The following DSP variants were observed in gnomAD, a reference collection of about 807,000 sequenced individuals.
DSP encodes desmoplakin, also known as 250/210 kDa paraneoplastic pemphigus antigen.
In DSP, 114 loss-of-function variants were observed where a neutral mutation model predicts 290.6. That is an observed-to-expected ratio of 0.39 (90% CI 0.34 to 0.46). DSP has a LOEUF of 0.46. Among genes scored for constraint, DSP ranks in the 20% least tolerant of loss-of-function variants. The pLI, the probability that DSP is intolerant of heterozygous loss-of-function variation, is 0.99. For missense variants in DSP, 3,230 were observed against 3,495.8 expected (o/e 0.92, Z 1.92); for synonymous variants, 1,311 against 1,316.4 (o/e 1.00, Z 0.09).
intron 1 of DSP, among the ~76,000 whole-genome samples, chr6:7,552,396 A>C (rs1581787992): frequency 8.5e-6 from 1 of 118,088 alleles, no homozygotes; most frequent in East Asian, 2.3e-4. Flanking sequence ...TCTCTATTAA[A>C]AATACAAAAA....
At chr6:7,573,468 C>T (rs559564613) in intron 15 of DSP, among the ~76,000 whole-genome samples, 4 of 152,064 alleles carry the variant, frequency 2.6e-5, no homozygotes, top group Non-Finnish European at 5.9e-5. Context: ...ATCTCAGCTA[C>T]TCAGGAGGCT....
At chr6:7,549,308 C>T (rs1187181624) in intron 1 of DSP, among the ~76,000 whole-genome samples, 1 of 152,136 alleles carries the variant, frequency 6.6e-6, no homozygotes, top group Non-Finnish European at 1.5e-5. Context: ...CGCCACCACG[C>T]CAGGCTAATT....
intron 15 of DSP, among the ~76,000 whole-genome samples, chr6:7,573,118 A>ATGTGTGTG (rs56891607): frequency 8.0e-5 from 12 of 149,922 alleles, no homozygotes; most frequent in Admixed American, 3.3e-4. Flanking sequence ...TTAAAAAAAA[A>ATGTGTGTG]TGTGTGTGTG....
At chr6:7,570,649 G>A in intron 13 of DSP, 86 bp downstream of exon 13, 4 of 1,589,044 alleles carry the variant, frequency 2.5e-6, no homozygotes, top group Non-Finnish European at 3.4e-6. Context: ...CAACCTTCTT[G>A]CTGTGTAGCA....
rs1180115983 is a variant in DSP at position 7,585,878 on chromosome 6, G to A, written c.8616G>A (p.Ter2872=). 1 of 1,613,680 alleles carries A rather than the reference G, an allele frequency of 6.2e-7. No homozygotes were observed. The highest frequency in any genetic ancestry group is 8.5e-7 in the Non-Finnish European group (1 of 1,179,898). The change falls in exon 24 of 24, where the codon TAG becomes TAA. Residue 2872 remains the stop codon, a stop_retained_variant. Coordinates refer to ENST00000379802, the MANE Select transcript of DSP (RefSeq NM_004415.4). ...TTAGCAGTAGTTCTATTGGGCACTA[G>A]TAGTCAGTTGGGAGTGGTTGCTATA... ...YSFSSSSIGH[*]
At chr6:7,554,643 A>AAT (rs1025399554) in intron 1 of DSP, among the ~76,000 whole-genome samples, 77 of 151,856 alleles carry the variant, frequency 5.1e-4, no homozygotes, top group African/African-American at 1.7e-3. Context: ...AATTACAGAA[A>AAT]ATATATATAT....
chr6:7,542,369 C>G (rs961909422), intron 1 of DSP, among the ~76,000 whole-genome samples: 5 of 152,160 alleles, frequency 3.3e-5, no homozygotes, highest in Admixed American at 2.6e-4. Context: ...CGGGGCTGTC[C>G]CCTGCCTGCT....
chr6:7,567,935 G>A, intron 10 of DSP, 29 bp downstream of exon 10: 1 of 1,611,634 alleles, frequency 6.2e-7, no homozygotes, highest in East Asian at 2.2e-5. Context: ...AACCTCAGCA[G>A]CTGTGCCTGA....
Position 7,550,462 on chromosome 6 carries a change from G to A in DSP, c.171-5256G>A, listed in dbSNP as rs981690708. On this transcript the variant is annotated intron_variant, in intron 1 of 23. Coordinates refer to ENST00000379802, the MANE Select transcript of DSP (RefSeq NM_004415.4). ...TTTAAAGAAAAATGTTTTTTTAAAG[G>A]TAGTAAAATAAAACCTTGAAATCTT... Among the ~76,000 whole-genome samples, 11 of 152,184 alleles carry A rather than the reference G, an allele frequency of 7.2e-5. No individual in the cohort carries two copies. In the South Asian group the frequency reaches 2.1e-3, roughly 29 times the overall value.
chr6:7,577,674 CA>C (rs1247413555), intron 20 of DSP, 104 bp from the exon 21 acceptor site: 7 of 934,386 alleles, frequency 7.5e-6, no homozygotes, highest in Non-Finnish European at 1.2e-5. Context: ...TTGGAGTGGG[CA>C]ATTAGACGTG....
Position 7,583,231 on chromosome 6 carries a change from C to T in DSP, c.5969C>T (p.Thr1990Ile), listed in dbSNP as rs1759508708. The T allele has an allele frequency of 1.2e-6, 2 of 1,614,112 alleles. No individual in the cohort carries two copies. Among genetic ancestry groups the T allele is most frequent in the Non-Finnish European group, 1.7e-6 (2 of 1,180,036 alleles). Residue 1990 changes from threonine (T) to isoleucine (I), a missense_variant, in exon 24 of 24, where the codon ACC (threonine) becomes ATC (isoleucine). Physicochemically the swap from Thr to Ile is moderately conservative, Grantham distance 89 (BLOSUM62 -1). Coordinates refer to ENST00000379802, the MANE Select transcript of DSP (RefSeq NM_004415.4). This position sits in a 1 kb window ranked among gnomAD's most constrained non-coding sequence, Gnocchi z 4.0. ...GAGTGTCAGCTGATCGACAAAACAA[C>T]CTTGGACAAACTATTGAAGGGGAAG... ...LYECQLIDKT[T>I]LDKLLKGKKS...
chr6:7,575,455 G>A lies in DSP; in HGVS notation c.2597G>A (p.Arg866His), dbSNP rs764965132. ...FGEKVTQLTD[R>H]WQRIDKQIDF... is the part of the protein sequence containing the mutation. ...GAAAAAGTCACACAGCTGACAGACC[G>A]CTGGCAAAGGATAGATAAACAGATC... Residue 866 changes from arginine to histidine, a missense_variant, in exon 18 of 24, where the codon CGC becomes CAC. By Grantham distance (29) the Arg-to-His change is conservative. Coordinates refer to ENST00000379802, the MANE Select transcript of DSP (RefSeq NM_004415.4). 8.1e-6 allele frequency: 13 copies of A among 1,614,048 alleles called. No homozygotes were observed. The highest frequency in any genetic ancestry group is 2.7e-5 in the African/African-American group (2 of 74,912).
At chr6:7,550,977 T>C (rs1012989342) in intron 1 of DSP, among the ~76,000 whole-genome samples, 13 of 152,136 alleles carry the variant, frequency 8.5e-5, no homozygotes, top group African/African-American at 2.9e-4. Context: ...TTTAAAAAAA[T>C]GTGTATACGC....
intron 1 of DSP, among the ~76,000 whole-genome samples, chr6:7,550,827 T>C (rs146770234): frequency 1.3e-5 from 2 of 152,016 alleles, no homozygotes; most frequent in African/African-American, 4.8e-5. Context: ...ACATGACATC[T>C]GCCATCTTCT....
intron 4 of DSP, among the ~76,000 whole-genome samples, chr6:7,560,402 A>C (rs749588336): frequency 6.6e-6 from 1 of 152,230 alleles, no homozygotes; most frequent in Non-Finnish European, 1.5e-5. Flanking sequence ...AAGCTATTAC[A>C]GAAGGTAAGG....
chr6:7,559,351 T>G lies in DSP; in HGVS notation c.548T>G (p.Phe183Cys). 6.2e-7 allele frequency: 1 copy of G among 1,613,492 alleles called. No individual in the cohort carries two copies. The highest frequency in any genetic ancestry group is 8.5e-7 in the Non-Finnish European group (1 of 1,180,030). The change falls in exon 4 of 24, where the codon TTC becomes TGC. Residue 183 changes from phenylalanine (F) to cysteine (C), a missense_variant. Phe to Cys is a radical substitution (Grantham distance 205). Around this residue, in one of 5 missense-constraint regions of DSP, gnomAD observed 646 missense variants for 684.3 expected, o/e 0.94. Transcript: ENST00000379802. ...CAGAGTGGCTCTGGCTGGGATGAGT[T>G]CACCAAACATGTCACCAGTGAATGT... Reference protein sequence around the residue: ...TCQSGSGWDEFTKHVTSECLG... With the variant: ...TCQSGSGWDECTKHVTSECLG...
In DSP at chr6:7,580,960, G is replaced by A; in HGVS notation, c.4770G>A (p.Lys1590=). ...LKRTASEDSC[K]RKKLEEELEG... ...GGACCGCGTCAGAAGACTCCTGCAA[G>A]AGGAAGAAGCTGGAGGAAGAGCTGG... is the stretch of plus-strand genomic sequence containing the variant. Residue 1590 remains lysine, a synonymous_variant, in exon 23 of 24, where the codon AAG becomes AAA. Coordinates refer to ENST00000379802, the MANE Select transcript of DSP (RefSeq NM_004415.4). The surrounding 1 kb of genome is among the most constrained non-coding windows in gnomAD (Gnocchi z 4.2). The A allele has an allele frequency of 1.2e-6, 2 of 1,614,126 alleles. No individual in the cohort carries two copies. Among genetic ancestry groups the A allele is most frequent in the Non-Finnish European group, 1.7e-6 (2 of 1,180,024 alleles).
intron 3 of DSP, 33 bp downstream of exon 3, chr6:7,558,297 C>A (rs896443624): frequency 1.2e-6 from 2 of 1,602,422 alleles, no homozygotes; most frequent in Non-Finnish European, 1.7e-6. Context: ...CGGGCAGTCC[C>A]CATGAAAAAG....
At chr6:7,545,311 C>T (rs756077183) in intron 1 of DSP, among the ~76,000 whole-genome samples, 2 of 152,150 alleles carry the variant, frequency 1.3e-5, no homozygotes, top group South Asian at 2.1e-4. Context: ...AATTTTAGAG[C>T]GGGGGGACCC....
Sources: allele counts gnomAD v4.1 joint callset (sites outside exome capture counted in the v4.1 genomes callset), GRCh38; gene constraint gnomAD v4.1.1; regional missense constraint gnomAD v4.1.1; non-coding constraint Gnocchi (gnomAD v3.1); transcripts MANE v1.5; gene names NCBI Gene and HGNC (gene_info 2026-07-23, HGNC 2026-07-21).